SYT16: variants seen among roughly 807,000 people sequenced by gnomAD.
The protein encoded by SYT16 is synaptotagmin-16.
A neutral mutation model predicts 61.4 loss-of-function variants in SYT16; 42 were observed. The observed-to-expected ratio is 0.68, with a 90% CI of 0.53 to 0.89. The LOEUF (loss-of-function observed/expected upper bound fraction) is 0.89. Ranked by LOEUF, SYT16 falls within the 40% of genes least tolerant of loss-of-function variation. The pLI is 0.00. For synonymous variants in SYT16, 314 were observed against 302.3 expected (o/e 1.04, Z -0.40); for missense variants, 804 against 807.3 (o/e 1.00, Z 0.05).
intron 1 of SYT16, among the ~76,000 whole-genome samples, chr14:61,963,681 T>A (rs2051198259): frequency 6.6e-6 from 1 of 152,072 alleles, no homozygotes; most frequent in African/African-American, 2.4e-5. Context: ...CTACCTAAGA[T>A]CAGATCTTCA....
chr14:62,061,385 T>C (rs1394048068), intron 3 of SYT16, among the ~76,000 whole-genome samples: 3 of 152,050 alleles, frequency 2.0e-5, no homozygotes, highest in Admixed American at 2.0e-4. Flanking sequence ...CAAAATGACA[T>C]ACCTAAACCT....
At chr14:62,006,063 T>C (rs2053210430) in intron 3 of SYT16, among the ~76,000 whole-genome samples, 1 of 152,194 alleles carries the variant, frequency 6.6e-6, no homozygotes. Context: ...AAATGCCTTT[T>C]AGCCATTGAA....
At chr14:61,904,388 C>T (rs1225403832) in intron 1 of SYT16, among the ~76,000 whole-genome samples, 1 of 152,144 alleles carries the variant, frequency 6.6e-6, no homozygotes, top group Admixed American at 6.5e-5. Context: ...AGGAGCAGCT[C>T]AGTGTAATGT....
chr14:62,016,822 TTATCTC>T (rs1436218750), intron 3 of SYT16, among the ~76,000 whole-genome samples: 2 of 152,194 alleles, frequency 1.3e-5, no homozygotes, highest in Non-Finnish European at 2.9e-5. Flanking sequence ...TATGTTAACT[TTATCTC>T]TATTTCTGAT....
Position 62,105,013 on chromosome 14 carries a change from T to A in SYT16, c.*4306T>A, listed in dbSNP as rs1208678520. On this transcript the variant is annotated 3_prime_UTR_variant, in exon 8 of 8. Coordinates refer to ENST00000683842, the MANE Select transcript of SYT16 (RefSeq NM_001367656.1). ...CACTAGAGAAAAACAAAAACCAACG[T>A]TCAGATACTGTAACAAGGATAGGCT... 6.6e-6 allele frequency: 1 copy of A among 152,188 alleles called. No homozygotes were observed. Among genetic ancestry groups the A allele is most frequent in the African/African-American group, 2.4e-5 (1 of 41,442 alleles). The allele number at this position is 152,188 out of a possible 1,614,324, so 9.4% of individuals were successfully genotyped here. A position where few individuals can be genotyped will look rare whatever the true frequency, so the allele number is the denominator to read the frequency against.
In SYT16 at chr14:61,916,936, C is replaced by G. The variant is rs186579634; in HGVS notation, c.-324-53196C>G. ...TGACAGGATTTCATTCTTTTTTTAA[C>G]CAAATAGTATTTTATTGTGTATATA... On this transcript the variant is annotated intron_variant, in intron 1 of 7. Coordinates refer to ENST00000683842, the MANE Select transcript of SYT16 (RefSeq NM_001367656.1). Among the ~76,000 whole-genome samples, 213 of 152,166 alleles carry G rather than the reference C, an allele frequency of 1.4e-3. 1 individual carries two copies. Among genetic ancestry groups the G allele is most frequent in the African/African-American group, 5.0e-3 (206 of 41,532 alleles).
chr14:61,977,660 A>G (rs1363305939), intron 2 of SYT16, among the ~76,000 whole-genome samples: 1 of 152,076 alleles, frequency 6.6e-6, no homozygotes, highest in Non-Finnish European at 1.5e-5. Flanking sequence ...ATTCAAGATG[A>G]GGTTTGGGTG....
intron 1 of SYT16, among the ~76,000 whole-genome samples, chr14:61,969,885 C>CAA (rs2051475343): frequency 6.6e-6 from 1 of 152,168 alleles, no homozygotes; most frequent in South Asian, 2.1e-4. Flanking sequence ...AGAAACTACA[C>CAA]ATTCAAAGGT....
chr14:61,844,404 A>G (rs1356111965), intron 1 of SYT16, among the ~76,000 whole-genome samples: 1 of 152,132 alleles, frequency 6.6e-6, no homozygotes, highest in Non-Finnish European at 1.5e-5. Context: ...TGCTCTAGCT[A>G]GGACTTCCAG....
intron 1 of SYT16, chr14:61,832,085 C>G (rs1358100186): frequency 6.9e-6 from 5 of 727,746 alleles, no homozygotes; most frequent in Non-Finnish European, 1.0e-5. Context: ...CGTTCACGCC[C>G]CTGTTCATCT....
rs1204866826 is a variant in SYT16 at position 62,105,113 on chromosome 14, G to T, written c.*4406G>T. 3 of 152,178 alleles carry T rather than the reference G, an allele frequency of 2.0e-5. No individual in the cohort carries two copies. The highest frequency in any genetic ancestry group is 4.4e-5 in the Non-Finnish European group (3 of 68,026). The allele number at this position is 152,178 out of a possible 1,614,324, so 9.4% of individuals were successfully genotyped here. A position where few individuals can be genotyped will look rare whatever the true frequency, so the allele number is the denominator to read the frequency against. On this transcript the variant is annotated 3_prime_UTR_variant, in exon 8 of 8. Coordinates refer to ENST00000683842, the MANE Select transcript of SYT16 (RefSeq NM_001367656.1). ...CTAATCAGAGATAAGCCTGGTATGT[G>T]GAGGAAATTGAGCCTTAATAGAGTC...
In SYT16 at chr14:61,939,837, C is replaced by G. The variant is rs149932964; in HGVS notation, c.-324-30295C>G. On this transcript the variant is annotated intron_variant, in intron 1 of 7. Transcript: ENST00000683842. ...CCTCCCCTGACCTCTCATCCCAGGC[C>G]CTCACTGTACACCTGAGTCCTATCT... 1.1e-3 allele frequency among the ~76,000 whole-genome samples: 162 copies of G among 152,168 alleles called. 1 individual carries two copies. The highest frequency in any genetic ancestry group is 3.5e-3 in the African/African-American group (147 of 41,498).
intron 5 of SYT16, among the ~76,000 whole-genome samples, chr14:62,075,718 A>G (rs2056473035): frequency 6.6e-6 from 1 of 152,078 alleles, no homozygotes; most frequent in Non-Finnish European, 1.5e-5. Flanking sequence ...AATTTTAAAT[A>G]ATGGAATTTT....
At chr14:61,851,346 T>C (rs1031823815) in intron 1 of SYT16, among the ~76,000 whole-genome samples, 16 of 152,234 alleles carry the variant, frequency 1.1e-4, no homozygotes, top group African/African-American at 3.9e-4. Flanking sequence ...GTCTTTGCTA[T>C]TGTGAATAGT....
intron 1 of SYT16, among the ~76,000 whole-genome samples, chr14:61,873,354 C>T (rs2047388811): frequency 6.6e-6 from 1 of 151,756 alleles, no homozygotes; most frequent in South Asian, 2.1e-4. Context: ...GCATTTTTTC[C>T]TGGTTCATCT....
chr14:61,950,923 A>C (rs2050645456), intron 1 of SYT16, among the ~76,000 whole-genome samples: 1 of 152,230 alleles, frequency 6.6e-6, no homozygotes, highest in Non-Finnish European at 1.5e-5. Flanking sequence ...CTCTAGAGAA[A>C]CTTCCCCATA....
intron 3 of SYT16, among the ~76,000 whole-genome samples, chr14:62,033,427 A>C (rs573340768): frequency 6.6e-6 from 1 of 152,142 alleles, no homozygotes; most frequent in African/African-American, 2.4e-5. Context: ...CAAAGGGAAT[A>C]TTACTTGGTT....
chr14:61,818,671 CTG>C (rs1182832797), intron 1 of SYT16, among the ~76,000 whole-genome samples: 7 of 134,708 alleles, frequency 5.2e-5, no homozygotes, highest in Non-Finnish European at 1.1e-4. Context: ...CAGTGAGACT[CTG>C]TCTCAAAAAA....
At position 61,974,622 on chromosome 14, in the gene SYT16, C is replaced by G. The variant is rs1335467541; in HGVS notation, c.-145+4311C>G. Among the ~76,000 whole-genome samples, 8 of 152,256 alleles carry G rather than the reference C, an allele frequency of 5.3e-5. No homozygotes were observed. In the East Asian group the frequency reaches 7.7e-4, roughly 15 times the overall value. On this transcript the variant is annotated intron_variant, in intron 2 of 7. Coordinates refer to ENST00000683842, the MANE Select transcript of SYT16 (RefSeq NM_001367656.1). ...ACTCACACCAGTGCCCAGATGCTCC[C>G]TGCTGTAAGGGAACATGAAGGTGGG...
Sources: allele counts gnomAD v4.1 joint callset (sites outside exome capture counted in the v4.1 genomes callset), GRCh38; gene constraint gnomAD v4.1.1; transcripts MANE v1.5; gene names NCBI Gene and HGNC (gene_info 2026-07-23, HGNC 2026-07-21).